DPP10: variants seen among roughly 807,000 people sequenced by gnomAD.
DPP10 encodes inactive dipeptidyl peptidase 10.
A neutral mutation model predicts 120.9 loss-of-function variants in DPP10; 33 were observed. The ratio of observed to expected loss-of-function variants is 0.27; its 90% confidence interval spans 0.21 to 0.37. DPP10 has a LOEUF of 0.37. DPP10 is among the 10% of genes least tolerant of loss of function. DPP10 has a pLI of 1.00. For missense variants in DPP10, 816 were observed against 942.8 expected (o/e 0.87, Z 1.76); for synonymous variants, 337 against 326.1 (o/e 1.03, Z -0.36).
chr2:114,758,908 A>G (rs1574121477), intron 1 of DPP10, among the ~76,000 whole-genome samples: 1 of 152,352 alleles, frequency 6.6e-6, no homozygotes, highest in South Asian at 2.1e-4. Flanking sequence ...TATGCCTTTC[A>G]TATCTGTAAT....
At chr2:115,291,502 A>T (rs1049744836) in intron 1 of DPP10, among the ~76,000 whole-genome samples, 1 of 152,174 alleles carries the variant, frequency 6.6e-6, no homozygotes, top group Non-Finnish European at 1.5e-5. Flanking sequence ...TCATCTTTAA[A>T]TATTGAATGA....
At chr2:115,713,620 C>T (rs897018813) in intron 7 of DPP10, among the ~76,000 whole-genome samples, 2 of 152,140 alleles carry the variant, frequency 1.3e-5, no homozygotes, top group African/African-American at 4.8e-5. Flanking sequence ...AATGCTATTA[C>T]AAAGCATCAT....
intron 4 of DPP10, among the ~76,000 whole-genome samples, chr2:115,506,979 A>G (rs1006012394): frequency 6.6e-6 from 1 of 151,874 alleles, no homozygotes; most frequent in Admixed American, 6.6e-5. Flanking sequence ...TTGTTGAAAT[A>G]TTGCCTCGTG....
chr2:114,642,802 C>T (rs916487675), intron 1 of DPP10, among the ~76,000 whole-genome samples: 1 of 151,850 alleles, frequency 6.6e-6, no homozygotes, highest in African/African-American at 2.4e-5. Context: ...GTTGTAGATA[C>T]TGGGATTAAT....
chr2:114,489,866 G>A (rs1291820790), intron 1 of DPP10, among the ~76,000 whole-genome samples: 1 of 152,202 alleles, frequency 6.6e-6, no homozygotes, highest in Non-Finnish European at 1.5e-5. Flanking sequence ...GTGTCCTTCA[G>A]CAAGTTTGTT....
chr2:115,108,249 T>C (rs2049045190), intron 1 of DPP10, among the ~76,000 whole-genome samples: 1 of 152,200 alleles, frequency 6.6e-6, no homozygotes, highest in Non-Finnish European at 1.5e-5. Flanking sequence ...AAAAAATCAC[T>C]GCACAGATAG....
intron 5 of DPP10, among the ~76,000 whole-genome samples, chr2:115,602,957 G>A (rs1237884222): frequency 3.3e-5 from 5 of 152,250 alleles, no homozygotes; most frequent in Middle Eastern, 3.4e-3. Context: ...TAAGGGAACT[G>A]AAAATTATTA....
chr2:115,303,205 A>T (rs2061219391), intron 1 of DPP10, among the ~76,000 whole-genome samples: 1 of 151,994 alleles, frequency 6.6e-6, no homozygotes, highest in Non-Finnish European at 1.5e-5. Context: ...CGAACTTAAT[A>T]AAAATTTAGA....
chr2:115,113,673 C>T (rs1226144602), intron 1 of DPP10, among the ~76,000 whole-genome samples: 1 of 152,146 alleles, frequency 6.6e-6, no homozygotes, highest in African/African-American at 2.4e-5. Context: ...CTCTCCACTT[C>T]CTTCATCTAT....
At chr2:114,666,882 A>G (rs1158976895) in intron 1 of DPP10, among the ~76,000 whole-genome samples, 2 of 152,230 alleles carry the variant, frequency 1.3e-5, no homozygotes, top group African/African-American at 4.8e-5. Context: ...GTAACTATAT[A>G]ATAACATGCT....
At chr2:114,491,020 C>T (rs1681952418) in intron 1 of DPP10, among the ~76,000 whole-genome samples, 2 of 152,062 alleles carry the variant, frequency 1.3e-5, no homozygotes, top group African/African-American at 4.8e-5. Flanking sequence ...GCCCATTATG[C>T]CCTGGCAAGC....
intron 1 of DPP10, 75 bp downstream of exon 1, chr2:114,442,913 T>G (rs1677737892): frequency 6.4e-7 from 1 of 1,569,094 alleles, no homozygotes; most frequent in Admixed American, 1.8e-5. Context: ...CATTGATATA[T>G]CGGGGTACTG....
chr2:114,589,056 C>A (rs1052342557), intron 1 of DPP10, among the ~76,000 whole-genome samples: 28 of 146,330 alleles, frequency 1.9e-4, no homozygotes, highest in African/African-American at 6.3e-4. Flanking sequence ...GGGTAGGGGA[C>A]GTACTGTTTA....
chr2:114,680,644 A>C (rs1698968575), intron 1 of DPP10, among the ~76,000 whole-genome samples: 1 of 152,018 alleles, frequency 6.6e-6, no homozygotes. Context: ...ATAATTCTTC[A>C]TAAGTGTAAA....
chr2:114,834,277 G>GTA lies in DPP10; in HGVS notation c.60+391446_60+391447dup, dbSNP rs551426884. ...ATATAAGACATATCTACACACCTAT[G>GTA]TATATATAAGCCATGTCTACACACC... On this transcript the variant is annotated intron_variant, in intron 1 of 25. Transcript: ENST00000410059. Among the ~76,000 whole-genome samples the GTA allele has an allele frequency of 5.6e-3, 837 of 149,498 alleles. 8 individuals carry two copies. The highest frequency in any genetic ancestry group is 0.019 in the African/African-American group (777 of 40,440).
chr2:115,718,487 A>G lies in DPP10; in HGVS notation c.577-9329A>G, dbSNP rs537332984. Among the ~76,000 whole-genome samples, 3 of 152,244 alleles carry G rather than the reference A, an allele frequency of 2.0e-5. No individual in the cohort carries two copies. In the South Asian group the frequency reaches 6.2e-4, roughly 32 times the overall value. Reference sequence around the variant, plus strand: ...ATTTCATTCACTATTGACTATCTCTACATTTCTTAGATCTCTTTTTTTCTG... The same window carrying G: ...ATTTCATTCACTATTGACTATCTCTGCATTTCTTAGATCTCTTTTTTTCTG... On this transcript the variant is annotated intron_variant, in intron 7 of 25. Coordinates refer to ENST00000410059, the MANE Select transcript of DPP10 (RefSeq NM_020868.6).
At chr2:114,850,227 A>G (rs988734247) in intron 1 of DPP10, among the ~76,000 whole-genome samples, 3 of 151,790 alleles carry the variant, frequency 2.0e-5, no homozygotes, top group African/African-American at 7.3e-5. Flanking sequence ...GGGTTCCACC[A>G]TGTTGCCCAG....
At chr2:114,623,341 A>T (rs1694244820) in intron 1 of DPP10, among the ~76,000 whole-genome samples, 1 of 152,152 alleles carries the variant, frequency 6.6e-6, no homozygotes, top group African/African-American at 2.4e-5. Flanking sequence ...TTTTATGCAT[A>T]TTAAAACATT....
chr2:115,449,256 G>A (rs965519204), intron 3 of DPP10, among the ~76,000 whole-genome samples: 8 of 152,078 alleles, frequency 5.3e-5, no homozygotes, highest in African/African-American at 1.9e-4. Flanking sequence ...CTGTGAGAGA[G>A]CCATGAGATC....
Sources: allele counts gnomAD v4.1 joint callset (sites outside exome capture counted in the v4.1 genomes callset), GRCh38; gene constraint gnomAD v4.1.1; transcripts MANE v1.5; gene names NCBI Gene and HGNC (gene_info 2026-07-23, HGNC 2026-07-21).